Variants in HDX observed in about 807,000 individuals in gnomAD.
The protein encoded by HDX is chromosome X open reading frame 43.
HDX carries 19 observed loss-of-function variants against 45.2 expected under a neutral mutation model. That is an observed-to-expected ratio of 0.42 (90% confidence interval 0.29 to 0.62). The LOEUF (loss-of-function observed/expected upper bound fraction) is 0.62, where lower values mean the gene tolerates loss of function less well. Among genes scored for constraint, HDX ranks in the 20% least tolerant of loss-of-function variants. The pLI is 0.20. For missense variants in HDX, 532 were observed against 493.9 expected (o/e 1.08, Z -0.73); for synonymous variants, 188 against 172.8 (o/e 1.09, Z -0.69).
intron 5 of HDX, among the ~76,000 whole-genome samples, chrX:84,366,781 A>G (rs1359310697): frequency 1.8e-5 from 2 of 111,983 alleles, no homozygotes; most frequent in African/African-American, 6.5e-5. Flanking sequence ...GGTGTTGGGA[A>G]AACTTGCTAG....
intron 5 of HDX, among the ~76,000 whole-genome samples, chrX:84,386,669 T>G (rs1046851249): frequency 4.5e-5 from 5 of 111,762 alleles, no homozygotes; most frequent in Non-Finnish European, 9.4e-5. Flanking sequence ...TTGGAGCATC[T>G]TATATTTCTG....
intron 7 of HDX, among the ~76,000 whole-genome samples, chrX:84,342,184 A>G (rs2037100964): frequency 9.0e-6 from 1 of 111,442 alleles, no homozygotes; most frequent in Non-Finnish European, 1.9e-5. Flanking sequence ...ACAGCTCTAC[A>G]TGGATGTCCA....
At chrX:84,428,254 T>C (rs2039427041) in intron 5 of HDX, among the ~76,000 whole-genome samples, 1 of 110,766 alleles carries the variant, frequency 9.0e-6, no homozygotes, top group African/African-American at 3.3e-5. Flanking sequence ...TGTCTTTCTA[T>C]AAAATAACTT....
At chrX:84,339,745 G>A (rs191577522) in intron 7 of HDX, among the ~76,000 whole-genome samples, 61 of 111,048 alleles carry the variant, frequency 5.5e-4, no homozygotes, top group African/African-American at 2.0e-3. Context: ...CTCCCACTAA[G>A]TAACTGTATA....
rs1323126156 is a variant in HDX, at chrX:84,375,860, A to C, written c.1306-14248T>G. Among the ~76,000 whole-genome samples the C allele has an allele frequency of 3.9e-4, 44 of 111,513 alleles. No homozygotes were observed. In the Admixed American group the frequency reaches 4.0e-3, roughly 10 times the overall value. On this transcript the variant is annotated intron_variant, in intron 5 of 10. Coordinates refer to ENST00000373177, the MANE Select transcript of HDX (RefSeq NM_001177479.2). ...GTATACATATGTAGCTAACCTGCACATTGTGCACATGTACCCTAAAACTTA... is the reference window on the plus strand; with the variant it reads ...GTATACATATGTAGCTAACCTGCACCTTGTGCACATGTACCCTAAAACTTA...
chrX:84,448,631 C>CAGT (rs1490688804), intron 4 of HDX, among the ~76,000 whole-genome samples: 1 of 107,511 alleles, frequency 9.3e-6, no homozygotes, highest in Non-Finnish European at 1.9e-5. Context: ...ACCATAGATA[C>CAGT]ATCTTCAGGA....
chrX:84,349,401 A>ATG (rs1266038229), intron 6 of HDX, among the ~76,000 whole-genome samples: 1,419 of 87,797 alleles, frequency 0.016, 16 homozygotes, highest in African/African-American at 0.02. Context: ...TTATATATAT[A>ATG]TATGTGTGTG....
chrX:84,500,472 A>ACAC (rs1390409161), intron 1 of HDX, among the ~76,000 whole-genome samples: 40 of 61,895 alleles, frequency 6.5e-4, no homozygotes, highest in African/African-American at 2.3e-3. Flanking sequence ...ACACACACAC[A>ACAC]ACAACAACAA....
At chrX:84,486,165 A>AT (rs200952636) in intron 2 of HDX, among the ~76,000 whole-genome samples, 2,843 of 108,704 alleles carry the variant, frequency 0.026, 63 homozygotes, top group African/African-American at 0.084. Context: ...TTCTGTTTTA[A>AT]TTTTTTTTTG....
chrX:84,379,476 G>A (rs1197679241), intron 5 of HDX, among the ~76,000 whole-genome samples: 1 of 111,010 alleles, frequency 9.0e-6, no homozygotes, highest in Non-Finnish European at 1.9e-5. Context: ...TAGACCATAT[G>A]TGTAATCACA....
chrX:84,323,089 G>A (rs1447041264), intron 10 of HDX, among the ~76,000 whole-genome samples: 1 of 110,981 alleles, frequency 9.0e-6, no homozygotes, highest in Non-Finnish European at 1.9e-5. Flanking sequence ...TATACTTCCT[G>A]CCTTGTAGCA....
At chrX:84,359,373 T>C (rs1351667837) in intron 6 of HDX, among the ~76,000 whole-genome samples, 1 of 108,496 alleles carries the variant, frequency 9.2e-6, no homozygotes, top group African/African-American at 3.4e-5. Flanking sequence ...CCCCAGTGTG[T>C]GTTGTTCCCC....
chrX:84,356,864 G>A (rs1035051366), intron 6 of HDX, among the ~76,000 whole-genome samples: 7 of 110,330 alleles, frequency 6.3e-5, no homozygotes, highest in Admixed American at 9.7e-5. Context: ...CCTGTGATCC[G>A]CCCACCTCGG....
At chrX:84,327,458 A>C (rs768099871) in intron 9 of HDX, among the ~76,000 whole-genome samples, 4 of 112,260 alleles carry the variant, frequency 3.6e-5, no homozygotes, top group African/African-American at 1.3e-4. Flanking sequence ...AATGGAAAAA[A>C]ATAGAGAGAC....
intron 5 of HDX, among the ~76,000 whole-genome samples, chrX:84,398,806 C>T (rs761803977): frequency 8.9e-5 from 10 of 111,784 alleles, no homozygotes; most frequent in South Asian, 3.8e-4. Context: ...AAATCGATCA[C>T]GTAATTGGAA....
intron 5 of HDX, among the ~76,000 whole-genome samples, chrX:84,386,765 A>T (rs1003406356): frequency 8.9e-6 from 1 of 111,795 alleles, no homozygotes. Flanking sequence ...TGGCTTTCCA[A>T]TCTTATTTGT....
At chrX:84,326,857 A>G (rs961416159) in intron 9 of HDX, among the ~76,000 whole-genome samples, 20 of 108,909 alleles carry the variant, frequency 1.8e-4, no homozygotes, top group African/African-American at 6.0e-4. Flanking sequence ...CAGAGGTTGC[A>G]GTGAGCAGAG....
chrX:84,465,733 T>C (rs1410909387), intron 4 of HDX, among the ~76,000 whole-genome samples: 2 of 111,628 alleles, frequency 1.8e-5, no homozygotes, highest in Non-Finnish European at 3.8e-5. Context: ...GATGGGTTGA[T>C]GGGTGCAGCA....
chrX:84,344,273 C>G lies in HDX; in HGVS notation c.1637G>C (p.Cys546Ser), dbSNP rs773613302. The change falls in exon 7 of 11, where the codon TGT (cysteine) becomes TCT (serine). Residue 546 changes from cysteine (C) to serine (S), a missense_variant. By Grantham distance (112) the Cys-to-Ser change is moderately radical. This residue lies in a region of HDX where 151 missense variants were observed against 131.8 expected (regional missense o/e 1.15). Coordinates refer to ENST00000373177, the MANE Select transcript of HDX (RefSeq NM_001177479.2). Reference sequence around the variant, plus strand: ...ACCTTGAGAGCTTCCTTCAGACAAACAGATGGATACTTCATCATTTCTGTC... The same window carrying G: ...ACCTTGAGAGCTTCCTTCAGACAAAGAGATGGATACTTCATCATTTCTGTC... ...DNDRNDEVSI[C>S]LSEGSSQEEP... The G allele has an allele frequency of 8.3e-7, 1 of 1,205,161 alleles. No homozygotes were observed. The highest frequency in any genetic ancestry group is 3.0e-5 in the East Asian group (1 of 33,747).
Sources: allele counts gnomAD v4.1 joint callset (sites outside exome capture counted in the v4.1 genomes callset), GRCh38; gene constraint gnomAD v4.1.1; regional missense constraint gnomAD v4.1.1; transcripts MANE v1.5; gene names NCBI Gene and HGNC (gene_info 2026-07-23, HGNC 2026-07-21).